Variants in EPHB1 observed in about 807,000 individuals in gnomAD.
EPHB1 encodes the protein ephrin type-B receptor 1.
Under a neutral mutation model 94.4 loss-of-function variants are expected in EPHB1, and 30 were observed. That is an observed-to-expected ratio of 0.32 (90% CI 0.24 to 0.43). The LOEUF is 0.43. Ranked by LOEUF, EPHB1 falls within the 20% of genes least tolerant of loss-of-function variation. The pLI, the probability that EPHB1 is intolerant of heterozygous loss-of-function variation, is 1.00. For missense variants in EPHB1, 1,055 were observed against 1,308.3 expected (o/e 0.81, Z 2.99); for synonymous variants, 522 against 489.1 (o/e 1.07, Z -0.89).
chr3:134,819,734 G>A (rs1438702054), intron 1 of EPHB1, among the ~76,000 whole-genome samples: 1 of 152,136 alleles, frequency 6.6e-6, no homozygotes, highest in Non-Finnish European at 1.5e-5. Flanking sequence ...TGTGGGAAAG[G>A]TAGTTGCCCT....
At chr3:134,826,204 A>G (rs2036475125) in intron 1 of EPHB1, among the ~76,000 whole-genome samples, 1 of 143,126 alleles carries the variant, frequency 7.0e-6, no homozygotes, top group Non-Finnish European at 1.5e-5. Flanking sequence ...GTGAGCTGAG[A>G]TTGTGCCACT....
intron 4 of EPHB1, among the ~76,000 whole-genome samples, chr3:135,128,606 A>G (rs1296654318): frequency 1.3e-5 from 2 of 152,140 alleles, no homozygotes; most frequent in South Asian, 2.1e-4. Context: ...TTAGGAGGCC[A>G]TCTGAGCCCT....
At chr3:134,986,165 A>C (rs1399104374) in intron 3 of EPHB1, among the ~76,000 whole-genome samples, 1 of 152,196 alleles carries the variant, frequency 6.6e-6, no homozygotes, top group Non-Finnish European at 1.5e-5. Context: ...TTATTCCACA[A>C]GCACCGGGAG....
intron 3 of EPHB1, among the ~76,000 whole-genome samples, chr3:135,085,120 A>C (rs1286930778): frequency 6.6e-6 from 1 of 152,168 alleles, no homozygotes; most frequent in Non-Finnish European, 1.5e-5. Flanking sequence ...ATTCTGGGCC[A>C]CTGGCTTTAA....
intron 5 of EPHB1, among the ~76,000 whole-genome samples, chr3:135,145,483 T>C (rs1940982617): frequency 6.6e-6 from 1 of 152,234 alleles, no homozygotes; most frequent in South Asian, 2.1e-4. Flanking sequence ...AGAGTCTGGG[T>C]TGGGGAGATA....
intron 12 of EPHB1, among the ~76,000 whole-genome samples, chr3:135,215,656 C>T (rs761997191): frequency 3.3e-5 from 5 of 152,168 alleles, no homozygotes; most frequent in African/African-American, 9.7e-5. Context: ...CAAGAGAGAA[C>T]AGGGGAAAAG....
chr3:135,089,283 C>G (rs1229995884), intron 3 of EPHB1, among the ~76,000 whole-genome samples: 1 of 152,204 alleles, frequency 6.6e-6, no homozygotes, highest in African/African-American at 2.4e-5. Flanking sequence ...GAACAAGCTA[C>G]TGGACTTATT....
chr3:135,008,233 A>C (rs1313388962), intron 3 of EPHB1, among the ~76,000 whole-genome samples: 1 of 152,240 alleles, frequency 6.6e-6, no homozygotes, highest in East Asian at 1.9e-4. Flanking sequence ...GAATAATCAT[A>C]ACAAACATAT....
intron 3 of EPHB1, among the ~76,000 whole-genome samples, chr3:135,103,685 C>A (rs1385037423): frequency 6.6e-6 from 1 of 152,176 alleles, no homozygotes; most frequent in African/African-American, 2.4e-5. Context: ...CTGGCAGAGC[C>A]AAGAATTGAA....
chr3:134,824,723 G>C (rs557244107), intron 1 of EPHB1, among the ~76,000 whole-genome samples: 1 of 152,302 alleles, frequency 6.6e-6, no homozygotes, highest in Admixed American at 6.5e-5. Context: ...AGGGACTCTA[G>C]CTGTTAGAAA....
chr3:135,188,279 G>A (rs1296786510), intron 10 of EPHB1, among the ~76,000 whole-genome samples: 1 of 150,778 alleles, frequency 6.6e-6, no homozygotes, highest in Non-Finnish European at 1.5e-5. Context: ...GGCAGATCAC[G>A]AGGTCAGGAG....
At chr3:134,933,875 A>G (rs922576539) in intron 2 of EPHB1, among the ~76,000 whole-genome samples, 1 of 152,112 alleles carries the variant, frequency 6.6e-6, no homozygotes, top group Non-Finnish European at 1.5e-5. Flanking sequence ...CTTTTTTCTC[A>G]CGGTAAGAGA....
intron 12 of EPHB1, among the ~76,000 whole-genome samples, chr3:135,211,812 A>C (rs778906088): frequency 1.3e-5 from 2 of 152,188 alleles, no homozygotes; most frequent in Non-Finnish European, 1.5e-5. Context: ...GCCTGAGCAT[A>C]CTTTTTTCCC....
At chr3:135,210,681 C>T (rs1348000377) in intron 12 of EPHB1, among the ~76,000 whole-genome samples, 3 of 152,216 alleles carry the variant, frequency 2.0e-5, no homozygotes, top group Non-Finnish European at 4.4e-5. Context: ...ACTCAAGCCA[C>T]ACAGCGTGCT....
At chr3:134,907,610 TAA>T (rs1354721756) in intron 1 of EPHB1, among the ~76,000 whole-genome samples, 5 of 152,120 alleles carry the variant, frequency 3.3e-5, no homozygotes, top group Non-Finnish European at 7.3e-5. Context: ...TACATTAGAT[TAA>T]CTGCCTCCCG....
chr3:134,857,081 C>T lies in EPHB1; in HGVS notation c.58+61392C>T, dbSNP rs540156784. Among the ~76,000 whole-genome samples, 9 of 152,202 alleles carry T rather than the reference C, an allele frequency of 5.9e-5. No homozygotes were observed. In the South Asian group the frequency reaches 1.2e-3, roughly 21 times the overall value. On this transcript the variant is annotated intron_variant, in intron 1 of 15. Coordinates refer to ENST00000398015, the MANE Select transcript of EPHB1 (RefSeq NM_004441.5). ...TTCTCAGGCGACTGGGGTGGGGTGTCGTGGAAAGGGCCTGATGCCAGAAAA... is the reference window on the plus strand; with the variant it reads ...TTCTCAGGCGACTGGGGTGGGGTGTTGTGGAAAGGGCCTGATGCCAGAAAA...
chr3:134,925,940 C>A, intron 2 of EPHB1, 60 bp downstream of exon 2: 1 of 1,471,496 alleles, frequency 6.8e-7, no homozygotes, highest in Non-Finnish European at 9.3e-7. Context: ...CATATGATAT[C>A]TAGGGGAGTA....
At chr3:135,036,012 T>G (rs1427578636) in intron 3 of EPHB1, among the ~76,000 whole-genome samples, 3 of 152,224 alleles carry the variant, frequency 2.0e-5, no homozygotes, top group African/African-American at 7.2e-5. Context: ...ATCTCTCCAT[T>G]CATTTTTCCT....
chr3:134,828,087 C>T (rs1028517596), intron 1 of EPHB1, among the ~76,000 whole-genome samples: 2 of 152,200 alleles, frequency 1.3e-5, no homozygotes, highest in African/African-American at 4.8e-5. Context: ...CCATGGGTGG[C>T]TTCCTTCTGT....
Sources: allele counts gnomAD v4.1 joint callset (sites outside exome capture counted in the v4.1 genomes callset), GRCh38; gene constraint gnomAD v4.1.1; transcripts MANE v1.5; gene names NCBI Gene and HGNC (gene_info 2026-07-23, HGNC 2026-07-21).